PSD3: variants seen among roughly 807,000 people sequenced by gnomAD.
PSD3 encodes the protein pleckstrin and Sec7 domain containing 3, also known as PH and SEC7 domain-containing protein 3.
In PSD3, 49 loss-of-function variants were observed where a neutral mutation model predicts 105.5. The observed-to-expected ratio is 0.46, with a 90% CI of 0.37 to 0.59. The LOEUF is 0.59. Ranked by LOEUF, PSD3 falls within the 20% of genes least tolerant of loss-of-function variation. The probability of loss-of-function intolerance (pLI) is 0.00; values close to 1 mark genes in which losing one functional copy is unlikely to be tolerated. For missense variants in PSD3, 1,561 were observed against 1,263.8 expected, an observed-to-expected ratio of 1.24 and a Z score of -3.57; for synonymous variants, 557 against 457.8, an observed-to-expected ratio of 1.22 and a Z score of -2.77.
rs1586682611 is a variant in PSD3, at chr8:19,063,060, G to C, written c.324+21146C>G. 2.0e-5 allele frequency among the ~76,000 whole-genome samples: 3 copies of C among 152,216 alleles called. No individual in the cohort carries two copies. In the East Asian group the frequency reaches 5.8e-4, roughly 29 times the overall value. On this transcript the variant is annotated intron_variant, in intron 1 of 1. Coordinates refer to the PSD3 transcript ENST00000521475. The stretch of plus-strand genomic sequence containing the variant: ...GAAGAATACAGATTTAATTAGTGTA[G>C]AAAGGTAGAGAAAAACAGCACTAGT...
At chr8:18,949,449 A>T (rs766295560) in intron 1 of PSD3, among the ~76,000 whole-genome samples, 1 of 151,054 alleles carries the variant, frequency 6.6e-6, no homozygotes, top group Non-Finnish European at 1.5e-5. Flanking sequence ...CCATGTTGTG[A>T]TTTACACTAA....
At chr8:18,593,291 A>G (rs1335018596) in intron 12 of PSD3, among the ~76,000 whole-genome samples, 1 of 152,104 alleles carries the variant, frequency 6.6e-6, no homozygotes, top group Non-Finnish European at 1.5e-5. Flanking sequence ...TAAACAAACA[A>G]CCCCATCAAA....
intron 14 of PSD3, among the ~76,000 whole-genome samples, chr8:18,563,447 T>A (rs1384377586): frequency 6.6e-6 from 1 of 152,086 alleles, no homozygotes; most frequent in Non-Finnish European, 1.5e-5. Flanking sequence ...TATCTAGGGA[T>A]CCGCAGTGCA....
intron 8 of PSD3, among the ~76,000 whole-genome samples, chr8:18,793,481 A>T (rs1809937510): frequency 6.6e-6 from 1 of 152,086 alleles, no homozygotes; most frequent in South Asian, 2.1e-4. Flanking sequence ...TAGACCCCTG[A>T]CCTTAAAGTT....
At chr8:19,037,553 A>G (rs1264172334) in intron 1 of PSD3, among the ~76,000 whole-genome samples, 1 of 152,222 alleles carries the variant, frequency 6.6e-6, no homozygotes, top group East Asian at 1.9e-4. Flanking sequence ...TTCATATTCA[A>G]ATTGGTAGAC....
intron 12 of PSD3, among the ~76,000 whole-genome samples, chr8:18,578,612 T>C (rs775789842): frequency 5.9e-5 from 9 of 152,146 alleles, no homozygotes; most frequent in Admixed American, 1.3e-4. Flanking sequence ...GCTATTACTA[T>C]TGAATGACTT....
At chr8:18,962,953 T>C (rs1193779475) in intron 1 of PSD3, among the ~76,000 whole-genome samples, 4 of 152,194 alleles carry the variant, frequency 2.6e-5, no homozygotes, top group African/African-American at 7.2e-5. Flanking sequence ...AACATATGTA[T>C]TAGTCCGTTT....
chr8:18,575,623 G>C lies in PSD3; in HGVS notation c.2482-338C>G, dbSNP rs144583551. 2.5e-3 allele frequency among the ~76,000 whole-genome samples: 374 copies of C among 152,258 alleles called. 2 individuals are homozygous for C. Among genetic ancestry groups the C allele is most frequent in the African/African-American group, 8.6e-3 (358 of 41,542 alleles). On this transcript the variant is annotated intron_variant, in intron 12 of 15. Transcript: ENST00000327040. ...CACATTTTATAATGAACAGAAATGA[G>C]ACTTGGACCAATAGTGTGATTTGGT...
At chr8:18,761,053 G>C (rs887111643) in intron 9 of PSD3, among the ~76,000 whole-genome samples, 1 of 152,170 alleles carries the variant, frequency 6.6e-6, no homozygotes, top group Non-Finnish European at 1.5e-5. Context: ...CAGTTCAAGA[G>C]CCAATGCACC....
chr8:19,006,777 A>C (rs1826702277), intron 1 of PSD3, among the ~76,000 whole-genome samples: 1 of 152,050 alleles, frequency 6.6e-6, no homozygotes, highest in Non-Finnish European at 1.5e-5. Flanking sequence ...TGCTATTCAG[A>C]CATTTTTCCT....
Position 18,759,092 on chromosome 8 carries a change from A to ACTCT in PSD3, c.2172+6353_2172+6356dup, listed in dbSNP as rs748135836. ...TAACCCATTCTTCACACACACACAC[A>ACTCT]CTCTCTCTCTCTCTCTCTCTCTCTT... On this transcript the variant is annotated intron_variant, in intron 9 of 15. Coordinates refer to ENST00000327040, the MANE Select transcript of PSD3 (RefSeq NM_015310.4). Among the ~76,000 whole-genome samples the ACTCT allele has an allele frequency of 5.2e-3, 754 of 143,938 alleles. 9 individuals carry two copies. Among genetic ancestry groups the ACTCT allele is most frequent in the African/African-American group, 0.017 (676 of 39,726 alleles). 94.4% of individuals were successfully genotyped at this position (143,938 alleles called of 152,430 possible).
chr8:18,899,556 C>T (rs574480511), intron 2 of PSD3, among the ~76,000 whole-genome samples: 4 of 152,024 alleles, frequency 2.6e-5, no homozygotes, highest in African/African-American at 7.2e-5. Flanking sequence ...GTCCTTATGA[C>T]CCCCTGATGT....
At chr8:18,600,832 A>G (rs1804387126) in intron 11 of PSD3, among the ~76,000 whole-genome samples, 1 of 152,218 alleles carries the variant, frequency 6.6e-6, no homozygotes, top group African/African-American at 2.4e-5. Context: ...GAGCTCATGT[A>G]CCAGAGCCTT....
At chr8:18,840,538 G>C (rs578178537) in intron 4 of PSD3, among the ~76,000 whole-genome samples, 2 of 152,354 alleles carry the variant, frequency 1.3e-5, no homozygotes, top group East Asian at 1.9e-4. Context: ...GTTGGTCTAA[G>C]ACGTTTACAG....
chr8:19,049,455 C>T (rs1176618591), intron 1 of PSD3, among the ~76,000 whole-genome samples: 2 of 152,058 alleles, frequency 1.3e-5, no homozygotes, highest in African/African-American at 4.8e-5. Flanking sequence ...TCTGGGAGGC[C>T]ACGGCAGGAG....
chr8:18,759,596 T>C lies in PSD3; in HGVS notation c.2172+5853A>G, dbSNP rs1011386251. Among the ~76,000 whole-genome samples, 12 of 152,120 alleles carry C rather than the reference T, an allele frequency of 7.9e-5. No individual in the cohort carries two copies. In the East Asian group the frequency reaches 2.3e-3, roughly 29 times the overall value. Reference sequence around the variant, plus strand: ...CAAAAAAGAAATAAAGATCTAACAATGACTGGAATAAAAATACTAAGGAGA... The same window carrying C: ...CAAAAAAGAAATAAAGATCTAACAACGACTGGAATAAAAATACTAAGGAGA... On this transcript the variant is annotated intron_variant, in intron 9 of 15. Transcript: ENST00000327040.
rs546695342 is a variant in PSD3, at chr8:18,959,002, C to A, written c.22-22860G>T. Among the ~76,000 whole-genome samples the A allele has an allele frequency of 2.5e-4, 38 of 151,560 alleles. No individual in the cohort carries two copies. The South Asian group carries it at 6.5e-3, about 26-fold the overall frequency. ...ACGGTGTGATCTTGGCTCACTGCAA[C>A]CTGCACCTCTTGGGTTCAAGTGATT... On this transcript the variant is annotated intron_variant, in intron 1 of 15. Coordinates refer to ENST00000327040, the MANE Select transcript of PSD3 (RefSeq NM_015310.4).
At chr8:18,697,706 G>A (rs1801336594) in intron 9 of PSD3, among the ~76,000 whole-genome samples, 1 of 152,128 alleles carries the variant, frequency 6.6e-6, no homozygotes, top group Admixed American at 6.5e-5. Context: ...TTACCTCTGG[G>A]CAAGTATCTA....
intron 11 of PSD3, among the ~76,000 whole-genome samples, chr8:18,614,793 T>C (rs986927588): frequency 9.1e-6 from 1 of 109,566 alleles, no homozygotes; most frequent in Non-Finnish European, 2.1e-5. Flanking sequence ...CATGCCTGGC[T>C]AATTTTTTTT....
Sources: allele counts gnomAD v4.1 joint callset (sites outside exome capture counted in the v4.1 genomes callset), GRCh38; gene constraint gnomAD v4.1.1; transcripts MANE v1.5; gene names NCBI Gene and HGNC (gene_info 2026-07-23, HGNC 2026-07-21).